NCAM1: variants seen among roughly 807,000 people sequenced by gnomAD.
NCAM1 encodes antigen recognized by monoclonal antibody 5.1H11.
In NCAM1, 14 loss-of-function variants were observed where a neutral mutation model predicts 109.8. That is an observed-to-expected ratio of 0.13 (90% CI 0.08 to 0.20). NCAM1 has a LOEUF of 0.20. NCAM1 is among the 10% of genes least tolerant of loss of function. The pLI is 1.00. For missense variants in NCAM1, 774 were observed against 1,109.9 expected, an observed-to-expected ratio of 0.70 and a Z score of 4.30; for synonymous variants, 418 against 442.9, an observed-to-expected ratio of 0.94 and a Z score of 0.70.
intron 14 of NCAM1, chr11:113,242,851 G>GT: frequency 6.2e-7 from 1 of 1,614,006 alleles, no homozygotes; most frequent in Non-Finnish European, 8.5e-7. Flanking sequence ...CAGCTAGTGA[G>GT]TACAGGGCTG....
intron 17 of NCAM1, among the ~76,000 whole-genome samples, chr11:113,267,404 T>C (rs782551368): frequency 1.1e-4 from 17 of 151,364 alleles, no homozygotes; most frequent in Non-Finnish European, 2.1e-4. Context: ...GCTAGCAGCA[T>C]GGTAGGTATT....
chr11:113,113,027 G>T lies in NCAM1; in HGVS notation c.53-89352G>T, dbSNP rs566411450. 1.2e-4 allele frequency among the ~76,000 whole-genome samples: 19 copies of T among 152,220 alleles called. No homozygotes were observed. In the East Asian group the frequency reaches 1.7e-3, roughly 14 times the overall value. ...TGCACCTGTAATCCCAGCTACTCAG[G>T]AGACTGAGGCAGGAGAATTGCTTGA... On this transcript the variant is annotated intron_variant, in intron 1 of 19. Transcript: ENST00000316851.
intron 14 of NCAM1, among the ~76,000 whole-genome samples, chr11:113,242,059 C>T (rs1232049541): frequency 3.3e-5 from 5 of 152,340 alleles, no homozygotes; most frequent in African/African-American, 1.2e-4. Context: ...CCGCCTGAAG[C>T]TCCATAACCT....
chr11:112,981,780 A>G (rs1951161729), intron 1 of NCAM1, among the ~76,000 whole-genome samples: 1 of 151,936 alleles, frequency 6.6e-6, no homozygotes, highest in Non-Finnish European at 1.5e-5. Flanking sequence ...TAACTTCTTT[A>G]AAACAAAATT....
At chr11:113,032,207 A>G (rs1555078451) in intron 1 of NCAM1, among the ~76,000 whole-genome samples, 1 of 152,178 alleles carries the variant, frequency 6.6e-6, no homozygotes. Context: ...AATTTCAAAT[A>G]AAAAACTTAA....
intron 17 of NCAM1, among the ~76,000 whole-genome samples, chr11:113,261,202 C>T (rs1945985620): frequency 6.6e-6 from 1 of 151,980 alleles, no homozygotes; most frequent in Admixed American, 6.6e-5. Flanking sequence ...CCCCCTCATG[C>T]CTGCCCTGTC....
Position 112,961,660 on chromosome 11 carries a change from T to C in NCAM1, c.48T>C (p.Thr16=). 1 of 1,462,940 alleles carries C rather than the reference T, an allele frequency of 6.8e-7. No homozygotes were observed. Among genetic ancestry groups the C allele is most frequent in the Non-Finnish European group, 9.5e-7 (1 of 1,056,144 alleles). The allele number at this position is 1,462,940 out of a possible 1,614,324, so 90.6% of individuals were successfully genotyped here. The change falls in exon 1 of 20, where the codon ACT becomes ACC. Residue 16 remains threonine (T), a synonymous_variant. Coordinates refer to ENST00000316851, the MANE Select transcript of NCAM1 (RefSeq NM_181351.5). The part of the protein sequence containing the change: ...DLIWTLFFLG[T]AVSLQVDIVP... ...TCTGGACTTTGTTTTTCCTGGGAAC[T>C]GCAGGTACATTTTTTTTTTTTTTAA...
At chr11:113,056,675 C>A (rs1953724725) in intron 1 of NCAM1, among the ~76,000 whole-genome samples, 1 of 152,190 alleles carries the variant, frequency 6.6e-6, no homozygotes, top group South Asian at 2.1e-4. Flanking sequence ...CTAACAAGCA[C>A]ATGAGCTTGA....
rs977574428 is a variant in NCAM1, at chr11:112,962,563, G to T, written c.52+899G>T. 1.6e-4 allele frequency among the ~76,000 whole-genome samples: 24 copies of T among 152,248 alleles called. No individual in the cohort carries two copies. Among genetic ancestry groups the T allele is most frequent in the South Asian group, 4.1e-4 (2 of 4,828 alleles). ...GCCCTGTCTCCTTTCTTTGGGCGAG[G>T]TTCCCGATCCTGGCAAAGTGTGAAC... On this transcript the variant is annotated intron_variant, in intron 1 of 19. Transcript: ENST00000316851. This position sits in a 1 kb window ranked among gnomAD's most constrained non-coding sequence, Gnocchi z 5.6.
At chr11:113,070,336 G>C (rs2511763) in intron 1 of NCAM1, among the ~76,000 whole-genome samples, 125,900 of 152,080 alleles carry the variant, frequency 0.83, 52,419 homozygotes, top group African/African-American at 0.91. Context: ...TAGACAAAAG[G>C]TGGATGACAG....
At chr11:113,264,208 T>C in intron 17 of NCAM1, 2 of 985,108 alleles carry the variant, frequency 2.0e-6, no homozygotes, top group Non-Finnish European at 2.4e-6. Flanking sequence ...CATGGAAGCT[T>C]GATTTTTGTT....
At chr11:113,070,170 A>G (rs117600340) in intron 1 of NCAM1, among the ~76,000 whole-genome samples, 1,628 of 152,232 alleles carry the variant, frequency 0.011, 16 homozygotes, top group Non-Finnish European at 0.017. Flanking sequence ...TCTCAGTCTT[A>G]AGAGCATCCT....
chr11:113,148,263 A>G (rs935930450), intron 1 of NCAM1, among the ~76,000 whole-genome samples: 1 of 151,394 alleles, frequency 6.6e-6, no homozygotes, highest in Admixed American at 6.6e-5. Context: ...TAGGATGCTC[A>G]TGTCGCCATG....
intron 13 of NCAM1, among the ~76,000 whole-genome samples, chr11:113,234,824 G>A (rs1271015562): frequency 1.3e-5 from 2 of 152,226 alleles, no homozygotes; most frequent in Admixed American, 1.3e-4. Context: ...TTCGGCTATT[G>A]TGAATGATAC....
intron 1 of NCAM1, among the ~76,000 whole-genome samples, chr11:113,132,550 G>A (rs1242034898): frequency 1.3e-5 from 2 of 151,310 alleles, no homozygotes; most frequent in Non-Finnish European, 2.9e-5. Context: ...AGGCTCAGCC[G>A]CACAGCTTTA....
intron 9 of NCAM1, among the ~76,000 whole-genome samples, chr11:113,228,945 A>G (rs1944925045): frequency 6.6e-6 from 1 of 152,368 alleles, no homozygotes; most frequent in South Asian, 2.1e-4. Context: ...AGATGGATTA[A>G]AGACTTAAAT....
intron 1 of NCAM1, among the ~76,000 whole-genome samples, chr11:112,968,483 C>T (rs138363059): frequency 2.6e-5 from 4 of 152,224 alleles, no homozygotes; most frequent in South Asian, 4.2e-4. Flanking sequence ...TTAATCATCA[C>T]GTTATGGTTT....
In NCAM1 at chr11:113,172,763, T is replaced by A. The variant is rs188464833; in HGVS notation, c.53-29616T>A. The stretch of plus-strand genomic sequence containing the variant: ...TTGGATCTTAGAATGGGTCTTTTTT[T>A]ATTTTTTTTCCTTCTTAGCTGGAAA... On this transcript the variant is annotated intron_variant, in intron 1 of 19. Coordinates refer to ENST00000316851, the MANE Select transcript of NCAM1 (RefSeq NM_181351.5). Among the ~76,000 whole-genome samples, 1,210 of 152,316 alleles carry A rather than the reference T, an allele frequency of 7.9e-3. 13 individuals are homozygous for A. Among genetic ancestry groups the A allele is most frequent in the Admixed American group, 0.015 (233 of 15,308 alleles).
At chr11:113,044,140 C>T (rs1953180157) in intron 1 of NCAM1, among the ~76,000 whole-genome samples, 2 of 152,152 alleles carry the variant, frequency 1.3e-5, no homozygotes, top group Admixed American at 1.3e-4. Context: ...GGAGGATACT[C>T]TGCCTGGTTC....
Sources: allele counts gnomAD v4.1 joint callset (sites outside exome capture counted in the v4.1 genomes callset), GRCh38; gene constraint gnomAD v4.1.1; non-coding constraint Gnocchi (gnomAD v3.1); transcripts MANE v1.5; gene names NCBI Gene and HGNC (gene_info 2026-07-23, HGNC 2026-07-21).